The following MSL2 variants were observed in gnomAD, a reference collection of about 807,000 sequenced individuals.
The protein encoded by MSL2 is MSL complex subunit 2, also known as E3 ubiquitin-protein ligase MSL2.
Under a neutral mutation model 35.8 loss-of-function variants are expected in MSL2, and 2 were observed. The observed-to-expected ratio is 0.06, with a 90% CI of 0.02 to 0.18. The LOEUF is 0.18. Among genes scored for constraint, MSL2 ranks in the 10% least tolerant of loss-of-function variants. The pLI, the probability that MSL2 is intolerant of heterozygous loss-of-function variation, is 1.00. For missense variants in MSL2, 523 were observed against 706.7 expected, an observed-to-expected ratio of 0.74 and a Z score of 2.95; for synonymous variants, 296 against 255.7, an observed-to-expected ratio of 1.16 and a Z score of -1.50.
At chr3:136,194,051 G>T (rs1411941398) in intron 1 of MSL2, among the ~76,000 whole-genome samples, 1 of 152,142 alleles carries the variant, frequency 6.6e-6, no homozygotes, top group Non-Finnish European at 1.5e-5. Flanking sequence ...GAATTTCCCA[G>T]GTTCTGACTA....
At position 136,186,367 on chromosome 3, in the gene MSL2, ATCC is replaced by A. The variant is rs900350105; in HGVS notation, c.142+8602_142+8604del. ...TAGTATTTGCACATAACCTAAGCAT[ATCC>A]TCCTCTATTCTTCTAATCAGGGGTC... is the stretch of plus-strand genomic sequence containing the variant. On this transcript the variant is annotated intron_variant, in intron 1 of 1. Transcript: ENST00000309993. 3.8e-4 allele frequency among the ~76,000 whole-genome samples: 58 copies of A among 152,292 alleles called. 1 individual carries two copies. Among genetic ancestry groups the A allele is most frequent in the Admixed American group, 2.6e-3 (40 of 15,294 alleles).
intron 1 of MSL2, among the ~76,000 whole-genome samples, chr3:136,183,791 T>G (rs1940434251): frequency 6.6e-6 from 1 of 152,284 alleles, no homozygotes; most frequent in East Asian, 1.9e-4. Flanking sequence ...TAGTTCAGAT[T>G]TCAACTCAAT....
intron 1 of MSL2, chr3:136,155,799 G>A (rs1939501924): frequency 7.0e-6 from 4 of 571,416 alleles, no homozygotes; most frequent in East Asian, 4.5e-5. Flanking sequence ...TCTGTGCCCC[G>A]TGACACCCGG....
chr3:136,178,558 G>C (rs1015802487), intron 1 of MSL2, among the ~76,000 whole-genome samples: 50 of 148,626 alleles, frequency 3.4e-4, no homozygotes, highest in African/African-American at 1.2e-3. Context: ...TTTGAGACAG[G>C]GTCTCACTCT....
At position 136,176,444 on chromosome 3, in the gene MSL2, G is replaced by GGTTGAAGCTGTATTGAGCCAAGATCGT. The variant is rs1576368648; in HGVS notation, c.142+18501_142+18527dup. On this transcript the variant is annotated intron_variant, in intron 1 of 1. Coordinates refer to ENST00000309993, the MANE Select transcript of MSL2 (RefSeq NM_018133.4). ...GTGGAACAATCACCTAAGCCCAGGAGGTTGAAGCTGTATTGAGCCAAGATC... is the reference window on the plus strand; with the variant it reads ...GTGGAACAATCACCTAAGCCCAGGAGGTTGAAGCTGTATTGAGCCAAGATCGTGTTGAAGCTGTATTGAGCCAAGATC... Among the ~76,000 whole-genome samples, 3 of 150,462 alleles carry GGTTGAAGCTGTATTGAGCCAAGATCGT rather than the reference G, an allele frequency of 2.0e-5. No homozygotes were observed. In the East Asian group the frequency reaches 5.8e-4, roughly 29 times the overall value.
intron 1 of MSL2, among the ~76,000 whole-genome samples, chr3:136,182,554 G>C (rs1016786695): frequency 4.6e-5 from 7 of 152,152 alleles, no homozygotes; most frequent in South Asian, 4.1e-4. Flanking sequence ...TGGATTGAGG[G>C]GGGTGGGGGA....
intron 1 of MSL2, among the ~76,000 whole-genome samples, chr3:136,182,159 A>G (rs191045536): frequency 6.6e-6 from 1 of 152,296 alleles, no homozygotes; most frequent in Admixed American, 6.5e-5. Context: ...GCAATGTCCA[A>G]TAAGGAAGCC....
At chr3:136,180,710 G>C (rs1940314550) in intron 1 of MSL2, among the ~76,000 whole-genome samples, 1 of 139,740 alleles carries the variant, frequency 7.2e-6, no homozygotes, top group Admixed American at 7.3e-5. Flanking sequence ...AGAAAAAAAA[G>C]AAAAAACAAA....
chr3:136,168,065 G>A (rs188078130), intron 1 of MSL2, among the ~76,000 whole-genome samples: 2 of 152,104 alleles, frequency 1.3e-5, no homozygotes, highest in South Asian at 2.1e-4. Flanking sequence ...AATAAAAAGC[G>A]GCCAGAGAAA....
At chr3:136,166,672 G>A (rs947539739) in intron 1 of MSL2, among the ~76,000 whole-genome samples, 1 of 152,132 alleles carries the variant, frequency 6.6e-6, no homozygotes, top group East Asian at 1.9e-4. Flanking sequence ...ATTTGAAGCA[G>A]CATAAGTTTG....
At chr3:136,192,842 G>A (rs1015276196) in intron 1 of MSL2, among the ~76,000 whole-genome samples, 1 of 152,132 alleles carries the variant, frequency 6.6e-6, no homozygotes, top group African/African-American at 2.4e-5. Flanking sequence ...TTTCAGCTAA[G>A]GAAAAAAGTC....
chr3:136,194,646 C>T (rs1353732914), intron 1 of MSL2: 2 of 282,446 alleles, frequency 7.1e-6, no homozygotes, highest in African/African-American at 2.4e-5. Context: ...AATCAGCTCC[C>T]GCGGCAAAGG....
intron 1 of MSL2, among the ~76,000 whole-genome samples, chr3:136,183,851 A>C (rs1330962730): frequency 6.6e-6 from 1 of 152,256 alleles, no homozygotes; most frequent in Non-Finnish European, 1.5e-5. Context: ...ATAATGAACA[A>C]TACTATCGAC....
chr3:136,169,586 T>C lies in MSL2; in HGVS notation c.143-16848A>G, dbSNP rs190017306. Among the ~76,000 whole-genome samples the C allele has an allele frequency of 1.2e-3, 186 of 152,048 alleles. 3 individuals carry two copies. The highest frequency in any genetic ancestry group is 0.011 in the Admixed American group (172 of 15,280). On this transcript the variant is annotated intron_variant, in intron 1 of 1. Transcript: ENST00000309993. ...GCCTCAACCTCCTGAGTAACTGGGA[T>C]TACAGGTGCACACCACCACGCCCAG...
At chr3:136,190,542 C>CA (rs10684427) in intron 1 of MSL2, among the ~76,000 whole-genome samples, 31,312 of 119,826 alleles carry the variant, frequency 0.26, 3,638 homozygotes, top group Non-Finnish European at 0.31. Flanking sequence ...AAGATTGTCT[C>CA]AAAAAAAAAA....
At chr3:136,172,776 TA>T (rs571911175) in intron 1 of MSL2, among the ~76,000 whole-genome samples, 28 of 148,558 alleles carry the variant, frequency 1.9e-4, no homozygotes, top group African/African-American at 4.9e-4. Context: ...CAAGAGCTAA[TA>T]AAAAAAAAAG....
chr3:136,152,780 A>C (rs199724419), intron 1 of MSL2, 42 bp from the exon 2 acceptor site: 1 of 1,582,440 alleles, frequency 6.3e-7, no homozygotes, highest in South Asian at 1.2e-5. Context: ...TAGTAAAATA[A>C]ATTTACCATT....
Position 136,195,156 on chromosome 3 carries a change from T to G in MSL2, c.-43A>C. The G allele has an allele frequency of 6.4e-7, 1 of 1,569,298 alleles. No individual in the cohort carries two copies. The highest frequency in any genetic ancestry group is 8.6e-7 in the Non-Finnish European group (1 of 1,159,412). Reference sequence around the variant, plus strand: ...CAATGGCTCCCGGTTGAAAAGAAATTCCGGATCCAACTTAGTAAGCAGCCA... The same window carrying G: ...CAATGGCTCCCGGTTGAAAAGAAATGCCGGATCCAACTTAGTAAGCAGCCA... On this transcript the variant is annotated 5_prime_UTR_variant, in exon 1 of 2. Coordinates refer to ENST00000309993, the MANE Select transcript of MSL2 (RefSeq NM_018133.4).
chr3:136,172,442 T>C (rs563519054), intron 1 of MSL2, among the ~76,000 whole-genome samples: 15 of 152,172 alleles, frequency 9.9e-5, no homozygotes, highest in African/African-American at 3.4e-4. Flanking sequence ...TTCCTTCCTA[T>C]AGCAACTCCC....
Sources: allele counts gnomAD v4.1 joint callset (sites outside exome capture counted in the v4.1 genomes callset), GRCh38; gene constraint gnomAD v4.1.1; transcripts MANE v1.5; gene names NCBI Gene and HGNC (gene_info 2026-07-23, HGNC 2026-07-21).